BTRC: variants seen among roughly 807,000 people sequenced by gnomAD.
BTRC encodes the protein F-box/WD repeat-containing protein 1A.
Under a neutral mutation model 85.5 loss-of-function variants are expected in BTRC, and 42 were observed. That is an observed-to-expected ratio of 0.49 (90% confidence interval 0.38 to 0.64). The LOEUF (loss-of-function observed/expected upper bound fraction) is 0.64. BTRC is among the 30% of genes least tolerant of loss of function. The pLI is 0.00. For synonymous variants in BTRC, 255 were observed against 263.3 expected (o/e 0.97, Z 0.30); for missense variants, 594 against 743.5 (o/e 0.80, Z 2.34).
chr10:101,488,978 A>C (rs904128576), intron 4 of BTRC, among the ~76,000 whole-genome samples: 1 of 152,140 alleles, frequency 6.6e-6, no homozygotes, highest in Admixed American at 6.6e-5. Flanking sequence ...CAGTGCTAAG[A>C]TACTGCATTT....
At chr10:101,541,194 G>A (rs953596469) in intron 13 of BTRC, among the ~76,000 whole-genome samples, 1 of 150,638 alleles carries the variant, frequency 6.6e-6, no homozygotes, top group African/African-American at 2.4e-5. Context: ...GATCTTAGGC[G>A]AAAGGCATTC....
At position 101,556,177 on chromosome 10, in the gene BTRC, A is replaced by T. The variant is rs549832147; in HGVS notation, c.*3054A>T. The T allele has an allele frequency of 2.0e-5, 3 of 152,012 alleles. No homozygotes were observed. Among genetic ancestry groups the T allele is most frequent in the East Asian group, 3.9e-4 (2 of 5,190 alleles). The allele number at this position is 152,012 out of a possible 1,614,324, so 9.4% of individuals were successfully genotyped here. On this transcript the variant is annotated 3_prime_UTR_variant, in exon 15 of 15. Transcript: ENST00000370187. ...GAAAAGTCTGTGAGACCCCTACATC[A>T]TTCTGGTTTTTTTGCTTGAGTAAGA...
At chr10:101,500,127 A>C (rs1028866028) in intron 4 of BTRC, among the ~76,000 whole-genome samples, 1 of 151,696 alleles carries the variant, frequency 6.6e-6, no homozygotes, top group Non-Finnish European at 1.5e-5. Flanking sequence ...GATATGTATG[A>C]AAATGTGTCA....
chr10:101,436,968 A>G (rs1944548534), intron 2 of BTRC, among the ~76,000 whole-genome samples: 1 of 152,238 alleles, frequency 6.6e-6, no homozygotes, highest in South Asian at 2.1e-4. Context: ...AATATGGATT[A>G]TCGAATTGAA....
At chr10:101,439,167 C>T (rs1023108647) in intron 2 of BTRC, among the ~76,000 whole-genome samples, 7 of 152,146 alleles carry the variant, frequency 4.6e-5, no homozygotes, top group African/African-American at 1.7e-4. Context: ...AAAATGTCAG[C>T]CTCCAAGTTT....
chr10:101,389,117 GTGTTTTTTTTTTT>G (rs1314019621), intron 1 of BTRC, among the ~76,000 whole-genome samples: 4 of 53,046 alleles, frequency 7.5e-5, no homozygotes, highest in Admixed American at 4.9e-4. Context: ...TTTTTTGTGT[GTGTTTTTTTTTTT>G]TTTTTTTTTT....
intron 1 of BTRC, among the ~76,000 whole-genome samples, chr10:101,412,300 G>A (rs1253669972): frequency 6.6e-6 from 1 of 152,070 alleles, no homozygotes; most frequent in Admixed American, 6.5e-5. Context: ...CAAGTAAGTG[G>A]TCCCATTGTA....
At chr10:101,525,917 G>A in intron 5 of BTRC, 96 bp from the exon 6 acceptor site, 2 of 1,200,368 alleles carry the variant, frequency 1.7e-6, no homozygotes, top group Non-Finnish European at 2.3e-6. Flanking sequence ...TGCCTTCATA[G>A]CAGAACAAAT....
chr10:101,549,251 A>C (rs565711998), intron 13 of BTRC, among the ~76,000 whole-genome samples: 27 of 150,188 alleles, frequency 1.8e-4, no homozygotes, highest in African/African-American at 6.6e-4. Flanking sequence ...TGGGCAACAA[A>C]AAGACCTAAT....
At chr10:101,538,536 T>A (rs931092165) in intron 13 of BTRC, among the ~76,000 whole-genome samples, 165 bp downstream of exon 13, 2 of 152,220 alleles carry the variant, frequency 1.3e-5, no homozygotes, top group African/African-American at 4.8e-5. Flanking sequence ...GTTTATATAA[T>A]TCCTTTCATC....
chr10:101,371,061 A>T (rs532217140), intron 1 of BTRC, among the ~76,000 whole-genome samples: 1 of 152,292 alleles, frequency 6.6e-6, no homozygotes, highest in East Asian at 1.9e-4. Context: ...ACTGTTTTGC[A>T]TATATAATCT....
chr10:101,532,791 CGCGTGT>C (rs1407567751), intron 8 of BTRC, among the ~76,000 whole-genome samples, 155 bp from the exon 9 acceptor site: 8 of 29,210 alleles, frequency 2.7e-4, no homozygotes, highest in African/African-American at 1.6e-3. Flanking sequence ...TGTGTGTGTG[CGCGTGT>C]GCGCGCGCGC....
At chr10:101,479,811 T>G (rs1279511112) in intron 4 of BTRC, among the ~76,000 whole-genome samples, 1 of 152,234 alleles carries the variant, frequency 6.6e-6, no homozygotes, top group East Asian at 1.9e-4. Flanking sequence ...ATCACATCAT[T>G]GCAAGGACTG....
At chr10:101,388,575 G>T (rs1943145496) in intron 1 of BTRC, among the ~76,000 whole-genome samples, 1 of 151,752 alleles carries the variant, frequency 6.6e-6, no homozygotes, top group Non-Finnish European at 1.5e-5. Context: ...CTGCTGCCTC[G>T]ACCTCCTGGG....
At chr10:101,537,287 G>A (rs1441723183) in intron 12 of BTRC, among the ~76,000 whole-genome samples, 1 of 152,162 alleles carries the variant, frequency 6.6e-6, no homozygotes, top group African/African-American at 2.4e-5. Context: ...CAGCACTTTG[G>A]GAGACCGAGA....
intron 2 of BTRC, among the ~76,000 whole-genome samples, chr10:101,435,592 T>C (rs968306860): frequency 6.6e-6 from 1 of 152,232 alleles, no homozygotes; most frequent in African/African-American, 2.4e-5. Context: ...TATCCATTCA[T>C]TTATTGATAG....
At chr10:101,436,686 A>C (rs994704331) in intron 2 of BTRC, among the ~76,000 whole-genome samples, 1 of 151,200 alleles carries the variant, frequency 6.6e-6, no homozygotes, top group African/African-American at 2.4e-5. Flanking sequence ...ATGGCCCTAG[A>C]ATACTTTAGC....
chr10:101,369,014 A>G (rs568883265), intron 1 of BTRC, among the ~76,000 whole-genome samples: 9 of 152,108 alleles, frequency 5.9e-5, no homozygotes, highest in Non-Finnish European at 1.3e-4. Context: ...GCGAGACTCC[A>G]TCTTAAATAA....
At chr10:101,402,752 TTCCACAACCTGA>T (rs1233203991) in intron 1 of BTRC, among the ~76,000 whole-genome samples, 2 of 152,204 alleles carry the variant, frequency 1.3e-5, no homozygotes, top group Non-Finnish European at 2.9e-5. Flanking sequence ...GACAAGTCTG[TTCCACAACCTGA>T]TATGTCATGC....
Sources: allele counts gnomAD v4.1 joint callset (sites outside exome capture counted in the v4.1 genomes callset), GRCh38; gene constraint gnomAD v4.1.1; transcripts MANE v1.5; gene names NCBI Gene and HGNC (gene_info 2026-07-23, HGNC 2026-07-21).